Variants in OR8D4 observed in about 807,000 individuals in gnomAD.
The protein encoded by OR8D4 is olfactory receptor family 8 subfamily D member 4.
For synonymous variants in OR8D4, 141 were observed against 134.8 expected (o/e 1.05, Z -0.32); for missense variants, 359 against 372.6 (o/e 0.96, Z 0.30).
Position 123,906,807 on chromosome 11 carries a change from A to T in OR8D4, c.376A>T (p.Ile126Phe), listed in dbSNP as rs1290274076. The T allele has an allele frequency of 6.2e-7, 1 of 1,613,986 alleles. No homozygotes were observed. ...AAMACDRYVA[I>F]CSPLLYRVIM... ...CATGGCCTGCGATCGCTACGTGGCC[A>T]TCTGCAGCCCACTGCTCTACAGGGT... is the stretch of plus-strand genomic sequence containing the variant. The change falls in exon 2 of 2, where the codon ATC (isoleucine) becomes TTC (phenylalanine). Residue 126 changes from isoleucine (I) to phenylalanine (F), a missense_variant. By Grantham distance (21) the Ile-to-Phe change is conservative. Transcript: ENST00000641687.
chr11:123,902,589 T>C (rs2137490236), intron 1 of OR8D4, among the ~76,000 whole-genome samples: 1 of 152,342 alleles, frequency 6.6e-6, no homozygotes, highest in South Asian at 2.1e-4. Context: ...TTTTGAAGTA[T>C]TTATTATTTT....
chr11:123,905,120 TG>T (rs1272225249), intron 1 of OR8D4, among the ~76,000 whole-genome samples: 1 of 152,182 alleles, frequency 6.6e-6, no homozygotes, highest in Non-Finnish European at 1.5e-5. Context: ...TCCATGGCCT[TG>T]GCGAGAGATG....
At chr11:123,903,576 G>A (rs951764258) in intron 1 of OR8D4, among the ~76,000 whole-genome samples, 1 of 152,114 alleles carries the variant, frequency 6.6e-6, no homozygotes, top group Non-Finnish European at 1.5e-5. Flanking sequence ...AATGAGGTCT[G>A]AATCAATGTA....
rs930740263 is a variant in OR8D4, at chr11:123,909,134, T to C, written c.*1758T>C. 6.6e-6 allele frequency: 1 copy of C among 152,092 alleles called. No homozygotes were observed. The highest frequency in any genetic ancestry group is 2.4e-5 in the African/African-American group (1 of 41,430). The allele number at this position is 152,092 out of a possible 1,614,324, so 9.4% of individuals were successfully genotyped here. ...CAGAGTGGAAGCAGAGAGGGTACTT[T>C]TGATGCTGTTAAACTTATTTTGGTA... On this transcript the variant is annotated 3_prime_UTR_variant, in exon 2 of 2. Coordinates refer to ENST00000641687, the MANE Select transcript of OR8D4 (RefSeq NM_001005197.2).
At position 123,909,096 on chromosome 11, in the gene OR8D4, T is replaced by TAGTGC. The variant is rs939581637; in HGVS notation, c.*1721_*1725dup. On this transcript the variant is annotated 3_prime_UTR_variant, in exon 2 of 2. Transcript: ENST00000641687. ...GTGGGAAGGGTTAGATAGGGAAAGA[T>TAGTGC]AGTGCTATTGGCCAGAGTGGAAGCA... 5 of 152,130 alleles carry TAGTGC rather than the reference T, an allele frequency of 3.3e-5. No homozygotes were observed. Among genetic ancestry groups the TAGTGC allele is most frequent in the African/African-American group, 1.2e-4 (5 of 41,432 alleles). 9.4% of individuals were successfully genotyped at this position (152,130 alleles called of 1,614,324 possible).
chr11:123,906,301 A>G, intron 1 of OR8D4, 116 bp from the exon 2 acceptor site: 1 of 621,980 alleles, frequency 1.6e-6, no homozygotes, highest in Non-Finnish European at 2.8e-6. Flanking sequence ...CTGAGTGTTC[A>G]CTTTTTGGTT....
In OR8D4 at chr11:123,908,392, T is replaced by C. The variant is rs1276668381; in HGVS notation, c.*1016T>C. ...TTAATTTCCTCCACATGTTTTGAGATAAAGATAATGAAAAAGCTTATGATT... is the reference window on the plus strand; with the variant it reads ...TTAATTTCCTCCACATGTTTTGAGACAAAGATAATGAAAAAGCTTATGATT... On this transcript the variant is annotated 3_prime_UTR_variant, in exon 2 of 2. Transcript: ENST00000641687. The C allele has an allele frequency of 6.6e-6, 1 of 152,182 alleles. No homozygotes were observed. The highest frequency in any genetic ancestry group is 2.4e-5 in the African/African-American group (1 of 41,450). 9.4% of individuals were successfully genotyped at this position (152,182 alleles called of 1,614,324 possible).
chr11:123,905,115 G>A (rs1412740062), intron 1 of OR8D4, among the ~76,000 whole-genome samples: 1 of 152,172 alleles, frequency 6.6e-6, no homozygotes, highest in African/African-American at 2.4e-5. Flanking sequence ...TGGACTCCAT[G>A]GCCTTGGCGA....
intron 1 of OR8D4, among the ~76,000 whole-genome samples, chr11:123,902,949 A>G (rs1296837050): frequency 6.6e-6 from 1 of 152,132 alleles, no homozygotes; most frequent in Non-Finnish European, 1.5e-5. Context: ...ATATGTTGAA[A>G]TGATGTACAT....
At position 123,906,743 on chromosome 11, in the gene OR8D4, C is replaced by A; in HGVS notation, c.312C>A (p.Phe104Leu). 6.2e-7 allele frequency: 1 copy of A among 1,613,436 alleles called. No homozygotes were observed. Among genetic ancestry groups the A allele is most frequent in the Non-Finnish European group, 8.5e-7 (1 of 1,179,844 alleles). Residue 104 changes from phenylalanine (F) to leucine (L), a missense_variant, in exon 2 of 2, where the codon TTC (phenylalanine) becomes TTA (leucine). Coordinates refer to ENST00000641687, the MANE Select transcript of OR8D4 (RefSeq NM_001005197.2). Reference protein sequence around the residue: ...YSGCMIQLFFFCVCVISECYM... With the variant: ...YSGCMIQLFFLCVCVISECYM... ...GATGCATGATTCAGCTGTTTTTTTT[C>A]TGTGTTTGTGTTATTTCTGAATGCT...
Position 123,908,432 on chromosome 11 carries a change from T to G in OR8D4, c.*1056T>G, listed in dbSNP as rs1252536618. The G allele has an allele frequency of 6.6e-6, 1 of 152,222 alleles. No individual in the cohort carries two copies. Among genetic ancestry groups the G allele is most frequent in the Non-Finnish European group, 1.5e-5 (1 of 68,046 alleles). The allele number at this position is 152,222 out of a possible 1,614,324, so 9.4% of individuals were successfully genotyped here. On this transcript the variant is annotated 3_prime_UTR_variant, in exon 2 of 2. Coordinates refer to ENST00000641687, the MANE Select transcript of OR8D4 (RefSeq NM_001005197.2). The stretch of plus-strand genomic sequence containing the variant: ...AGCTTATGATTTTTAAGAATGAACC[T>G]ATACAGTGAACCAAGATAGTATGCT...
At chr11:123,904,437 T>C (rs17127936) in intron 1 of OR8D4, among the ~76,000 whole-genome samples, 3,425 of 152,198 alleles carry the variant, frequency 0.023, 127 homozygotes, top group African/African-American at 0.078. Flanking sequence ...ACCCATGATA[T>C]TAAAGACAAA....
chr11:123,903,094 G>T (rs541626729), intron 1 of OR8D4, among the ~76,000 whole-genome samples: 1 of 151,430 alleles, frequency 6.6e-6, no homozygotes, highest in African/African-American at 2.4e-5. Context: ...CATTTTTCTT[G>T]TTATTCCCTG....
rs1350398937 is a variant in OR8D4, at chr11:123,908,298, A to G, written c.*922A>G. 1 of 152,186 alleles carries G rather than the reference A, an allele frequency of 6.6e-6. No homozygotes were observed. The highest frequency in any genetic ancestry group is 2.4e-5 in the African/African-American group (1 of 41,454). 9.4% of individuals were successfully genotyped at this position (152,186 alleles called of 1,614,324 possible). ...TTTTCAGCATGACCAGTATATGTGC[A>G]GTATTTTGTAACTTTCTGTTTGTTT... On this transcript the variant is annotated 3_prime_UTR_variant, in exon 2 of 2. Coordinates refer to ENST00000641687, the MANE Select transcript of OR8D4 (RefSeq NM_001005197.2).
rs752544532 is a variant in OR8D4 at position 123,906,669 on chromosome 11, A to G, written c.238A>G (p.Lys80Glu). The G allele has an allele frequency of 1.2e-6, 2 of 1,612,458 alleles. No homozygotes were observed. The highest frequency in any genetic ancestry group is 4.5e-5 in the East Asian group (2 of 44,866). ...DFCYSSVITP[K>E]MLSGFLCRDR... ...CTGCTATTCTTCTGTCATTACCCCTAAAATGCTATCAGGGTTTTTATGCAG... is the reference window on the plus strand; with the variant it reads ...CTGCTATTCTTCTGTCATTACCCCTGAAATGCTATCAGGGTTTTTATGCAG... The change falls in exon 2 of 2, where the codon AAA (lysine) becomes GAA (glutamate). Residue 80 changes from lysine to glutamate, a missense_variant. Transcript: ENST00000641687.
At chr11:123,906,021 CGTT>C (rs1356092543) in intron 1 of OR8D4, 1 of 169,284 alleles carries the variant, frequency 5.9e-6, no homozygotes, top group Non-Finnish European at 1.3e-5. Context: ...CTGAGTAGCT[CGTT>C]GTCTCCCTGG....
chr11:123,906,324 A>T, intron 1 of OR8D4, 93 bp from the exon 2 acceptor site: 2 of 764,252 alleles, frequency 2.6e-6, no homozygotes, highest in Non-Finnish European at 4.1e-6. Context: ...CGTAACACAA[A>T]GTCAGTGTTT....
intron 1 of OR8D4, among the ~76,000 whole-genome samples, chr11:123,904,302 A>G (rs1483057315): frequency 6.6e-6 from 1 of 152,182 alleles, no homozygotes. Flanking sequence ...GAACATGAGC[A>G]GAATAAGACA....
Position 123,907,829 on chromosome 11 carries a change from T to A in OR8D4, c.*453T>A, listed in dbSNP as rs1039725171. 1 of 151,176 alleles carries A rather than the reference T, an allele frequency of 6.6e-6. No homozygotes were observed. The highest frequency in any genetic ancestry group is 2.4e-5 in the African/African-American group (1 of 41,136). The allele number at this position is 151,176 out of a possible 1,614,324, so 9.4% of individuals were successfully genotyped here. On this transcript the variant is annotated 3_prime_UTR_variant, in exon 2 of 2. Coordinates refer to ENST00000641687, the MANE Select transcript of OR8D4 (RefSeq NM_001005197.2). ...GATTAGTAAATATATGCACAGATAA[T>A]TACATTAATAACATGTAAAACAACA...
Sources: allele counts gnomAD v4.1 joint callset (sites outside exome capture counted in the v4.1 genomes callset), GRCh38; gene constraint gnomAD v4.1.1; transcripts MANE v1.5; gene names NCBI Gene and HGNC (gene_info 2026-07-23, HGNC 2026-07-21).